Variants in FRK observed in about 807,000 individuals in gnomAD.
FRK encodes the protein fyn related Src family tyrosine kinase, also known as tyrosine-protein kinase FRK.
FRK carries 51 observed loss-of-function variants against 56.4 expected under a neutral mutation model. The observed-to-expected ratio is 0.90, with a 90% CI of 0.72 to 1.14. The LOEUF is 1.14. FRK is among the 50% of genes most tolerant of loss of function. The pLI, the probability that FRK is intolerant of heterozygous loss-of-function variation, is 0.00. For missense variants in FRK, 570 were observed against 601.4 expected (o/e 0.95, Z 0.55); for synonymous variants, 245 against 217.9 (o/e 1.12, Z -1.10).
chr6:115,978,633 A>G (rs1005968762), intron 2 of FRK, among the ~76,000 whole-genome samples: 5 of 152,198 alleles, frequency 3.3e-5, no homozygotes, highest in Non-Finnish European at 7.3e-5. Flanking sequence ...GTTTCAGTCA[A>G]CAACAGCCTG....
the FRK span, among the ~76,000 whole-genome samples, chr6:116,073,474 A>G: frequency 6.6e-6 from 1 of 152,178 alleles, no homozygotes; most frequent in Admixed American, 6.6e-5. Context: ...TTCTAACTGG[A>G]AACAAAGAAA....
chr6:115,943,760 ATTAAT>A (rs1462588097), intron 6 of FRK, among the ~76,000 whole-genome samples: 1 of 152,176 alleles, frequency 6.6e-6, no homozygotes, highest in Non-Finnish European at 1.5e-5. Context: ...GAAATGTAAA[ATTAAT>A]TTAAGAGAAA....
At chr6:116,009,651 A>G (rs1775390248) in intron 1 of FRK, among the ~76,000 whole-genome samples, 1 of 152,244 alleles carries the variant, frequency 6.6e-6, no homozygotes, top group Non-Finnish European at 1.5e-5. Context: ...AACTCATGAT[A>G]TGAAAAGAAA....
intron 5 of FRK, among the ~76,000 whole-genome samples, chr6:115,955,138 G>A (rs1440028607): frequency 1.3e-5 from 2 of 152,062 alleles, no homozygotes; most frequent in Non-Finnish European, 2.9e-5. Context: ...AACTAGTGAC[G>A]TTGTGAACAG....
intron 5 of FRK, 85 bp from the exon 6 acceptor site, chr6:115,944,510 G>T: frequency 2.9e-6 from 3 of 1,028,730 alleles, no homozygotes; most frequent in South Asian, 1.6e-5. Context: ...GAATGTATGA[G>T]CTATCAGTGA....
chr6:116,070,023 C>T, the FRK span, among the ~76,000 whole-genome samples: 2 of 151,642 alleles, frequency 1.3e-5, no homozygotes, highest in African/African-American at 4.8e-5. Flanking sequence ...CTATCACCCA[C>T]GTTTGAAAGC....
intron 2 of FRK, among the ~76,000 whole-genome samples, chr6:115,973,840 C>T (rs1340125038): frequency 6.7e-6 from 1 of 148,608 alleles, no homozygotes; most frequent in Non-Finnish European, 1.5e-5. Flanking sequence ...CACTGCAATT[C>T]AGCCTGGGCA....
the FRK span, among the ~76,000 whole-genome samples, chr6:116,082,746 G>A: frequency 6.6e-6 from 1 of 152,140 alleles, no homozygotes; most frequent in Admixed American, 6.5e-5. Flanking sequence ...AGCTTAAGAG[G>A]TCTATTAGAT....
the FRK span, among the ~76,000 whole-genome samples, chr6:116,093,403 A>T: frequency 6.6e-6 from 1 of 152,234 alleles, no homozygotes; most frequent in Non-Finnish European, 1.5e-5. Flanking sequence ...CCTGATAGGT[A>T]CATAGATGTC....
chr6:116,036,623 C>T (rs970416658), intron 1 of FRK, among the ~76,000 whole-genome samples: 11 of 152,140 alleles, frequency 7.2e-5, no homozygotes, highest in African/African-American at 2.6e-4. Flanking sequence ...AGCAAAGATT[C>T]CTGAGAGATA....
At chr6:115,975,634 C>T (rs1773964444) in intron 2 of FRK, among the ~76,000 whole-genome samples, 1 of 151,980 alleles carries the variant, frequency 6.6e-6, no homozygotes, top group African/African-American at 2.4e-5. Context: ...AATGCTTGTG[C>T]CATTCTTTTT....
At chr6:116,026,908 A>T (rs934695153) in intron 1 of FRK, among the ~76,000 whole-genome samples, 14 of 152,156 alleles carry the variant, frequency 9.2e-5, no homozygotes, top group African/African-American at 2.9e-4. Context: ...TTGGGCATGG[A>T]ATAAGGTATA....
At chr6:115,984,155 T>A (rs1774307361) in intron 2 of FRK, among the ~76,000 whole-genome samples, 1 of 152,058 alleles carries the variant, frequency 6.6e-6, no homozygotes, top group South Asian at 2.1e-4. Context: ...CCACTGTGTA[T>A]CTACCTCTGT....
chr6:116,031,937 AATT>A (rs1326350524), intron 1 of FRK, among the ~76,000 whole-genome samples: 7 of 152,098 alleles, frequency 4.6e-5, no homozygotes, highest in Non-Finnish European at 7.4e-5. Flanking sequence ...CCAGACTTAC[AATT>A]ATTTCTCATT....
chr6:116,006,707 CAG>C (rs1351839660), intron 1 of FRK, among the ~76,000 whole-genome samples: 6 of 152,140 alleles, frequency 3.9e-5, no homozygotes, highest in Admixed American at 3.9e-4. Context: ...CCTATAGTCA[CAG>C]GAACTCAGGA....
chr6:116,030,641 G>A (rs766989365), intron 1 of FRK, among the ~76,000 whole-genome samples: 2 of 152,160 alleles, frequency 1.3e-5, no homozygotes, highest in Non-Finnish European at 2.9e-5. Flanking sequence ...CTGGAGGGTA[G>A]TGCATTTGGG....
chr6:116,004,997 A>G (rs1422481851), intron 1 of FRK, among the ~76,000 whole-genome samples: 2 of 146,208 alleles, frequency 1.4e-5, no homozygotes, highest in African/African-American at 5.1e-5. Flanking sequence ...AGGCTGGGAG[A>G]AAAAAAAAAA....
the FRK span, among the ~76,000 whole-genome samples, chr6:116,086,472 T>C: frequency 6.6e-6 from 1 of 152,194 alleles, no homozygotes; most frequent in East Asian, 1.9e-4. Context: ...TAGGCTGTCT[T>C]TATGCTGTAA....
chr6:115,997,753 A>C (rs928653347), intron 2 of FRK, among the ~76,000 whole-genome samples: 3 of 151,960 alleles, frequency 2.0e-5, no homozygotes, highest in African/African-American at 7.3e-5. Flanking sequence ...TCAAGCTCTC[A>C]TTTATGGAGA....
Sources: allele counts gnomAD v4.1 joint callset (sites outside exome capture counted in the v4.1 genomes callset), GRCh38; gene constraint gnomAD v4.1.1; transcripts MANE v1.5; gene names NCBI Gene and HGNC (gene_info 2026-07-23, HGNC 2026-07-21).